Variants in ST6GALNAC3 observed in about 807,000 individuals in gnomAD.
ST6GALNAC3 encodes ST6 N-acetylgalactosaminide alpha-2,6-sialyltransferase 3.
A neutral mutation model predicts 32.7 loss-of-function variants in ST6GALNAC3; 25 were observed. The observed-to-expected ratio is 0.76, with a 90% CI of 0.56 to 1.07. The LOEUF is 1.07. ST6GALNAC3 is among the 50% of genes least tolerant of loss of function. The pLI, the probability that ST6GALNAC3 is intolerant of heterozygous loss-of-function variation, is 0.00. For synonymous variants in ST6GALNAC3, 129 were observed against 133.1 expected (o/e 0.97, Z 0.21); for missense variants, 355 against 382.4 (o/e 0.93, Z 0.60).
chr1:76,181,597 A>G (rs1653181884), intron 1 of ST6GALNAC3, among the ~76,000 whole-genome samples: 1 of 152,158 alleles, frequency 6.6e-6, no homozygotes, highest in Non-Finnish European at 1.5e-5. Context: ...CCTTATTACC[A>G]TGTGTTAAGA....
At chr1:76,369,596 C>T (rs1650656319) in intron 2 of ST6GALNAC3, among the ~76,000 whole-genome samples, 2 of 152,096 alleles carry the variant, frequency 1.3e-5, no homozygotes, top group Admixed American at 1.3e-4. Context: ...TGAGTAAATG[C>T]CCTAAACCCA....
At chr1:76,296,475 A>G (rs1416512306) in intron 1 of ST6GALNAC3, among the ~76,000 whole-genome samples, 1 of 151,830 alleles carries the variant, frequency 6.6e-6, no homozygotes, top group Non-Finnish European at 1.5e-5. Context: ...TCTCCCATCG[A>G]CCCTTCTCTT....
At chr1:76,243,790 T>C (rs1462695634) in intron 1 of ST6GALNAC3, among the ~76,000 whole-genome samples, 2 of 152,228 alleles carry the variant, frequency 1.3e-5, no homozygotes, top group African/African-American at 4.8e-5. Context: ...CTGAGGTCTC[T>C]GTTCTATTCC....
At chr1:76,449,349 A>G (rs1571263577) in intron 3 of ST6GALNAC3, among the ~76,000 whole-genome samples, 2 of 152,298 alleles carry the variant, frequency 1.3e-5, no homozygotes, top group Non-Finnish European at 1.5e-5. Flanking sequence ...GTTTGCTTCC[A>G]TGTTTTGGCA....
chr1:76,132,272 A>T (rs1649659590), intron 1 of ST6GALNAC3, among the ~76,000 whole-genome samples: 2 of 152,106 alleles, frequency 1.3e-5, no homozygotes, highest in Non-Finnish European at 2.9e-5. Context: ...TCTAGCTCAT[A>T]ATTGGAACCA....
chr1:76,476,317 C>G (rs185507054), intron 3 of ST6GALNAC3, among the ~76,000 whole-genome samples: 7 of 152,196 alleles, frequency 4.6e-5, no homozygotes, highest in African/African-American at 1.7e-4. Flanking sequence ...TTCTTACAAC[C>G]CTTTTAAATG....
At chr1:76,270,034 AT>A (rs942265540) in intron 1 of ST6GALNAC3, among the ~76,000 whole-genome samples, 1 of 152,196 alleles carries the variant, frequency 6.6e-6, no homozygotes, top group African/African-American at 2.4e-5. Flanking sequence ...TAAGGGATTC[AT>A]GGGCATTTGC....
At chr1:76,284,961 C>T (rs3862902) in intron 1 of ST6GALNAC3, among the ~76,000 whole-genome samples, 2,157 of 152,052 alleles carry the variant, frequency 0.014, 50 homozygotes, top group African/African-American at 0.049. Context: ...TTTCTGGATA[C>T]GGAGATAGAT....
At chr1:76,099,690 G>A (rs1475125208) in intron 1 of ST6GALNAC3, among the ~76,000 whole-genome samples, 2 of 152,134 alleles carry the variant, frequency 1.3e-5, no homozygotes, top group Non-Finnish European at 1.5e-5. Context: ...CAGATTAGTG[G>A]GAAGAGCTTT....
At chr1:76,222,727 G>T (rs948799083) in intron 1 of ST6GALNAC3, among the ~76,000 whole-genome samples, 2 of 151,970 alleles carry the variant, frequency 1.3e-5, no homozygotes, top group Non-Finnish European at 1.5e-5. Context: ...AGCCCCTCTA[G>T]AAAGTGAGCA....
intron 1 of ST6GALNAC3, among the ~76,000 whole-genome samples, chr1:76,083,582 G>C (rs894007869): frequency 6.6e-6 from 1 of 152,208 alleles, no homozygotes; most frequent in African/African-American, 2.4e-5. Context: ...TTCATGGTCT[G>C]TAGCAGTGCT....
intron 2 of ST6GALNAC3, among the ~76,000 whole-genome samples, chr1:76,357,130 C>CTTTCTTTTTTTTT (rs1165946045): frequency 9.0e-6 from 1 of 111,178 alleles, no homozygotes; most frequent in Non-Finnish European, 1.7e-5. Flanking sequence ...TTTTCTTTTT[C>CTTTCTTTTTTTTT]TTTTTTTTTT....
chr1:76,317,265 A>G (rs978078682), intron 2 of ST6GALNAC3, among the ~76,000 whole-genome samples: 3 of 152,098 alleles, frequency 2.0e-5, no homozygotes, highest in Non-Finnish European at 4.4e-5. Context: ...CTCCCAAATG[A>G]TTGTGCATTT....
chr1:76,089,173 C>T (rs923134248), intron 1 of ST6GALNAC3, among the ~76,000 whole-genome samples: 1 of 152,140 alleles, frequency 6.6e-6, no homozygotes, highest in Non-Finnish European at 1.5e-5. Flanking sequence ...GGACTACAGG[C>T]ACCTGCCACT....
intron 3 of ST6GALNAC3, among the ~76,000 whole-genome samples, chr1:76,465,960 A>C (rs1336573798): frequency 6.6e-6 from 1 of 152,138 alleles, no homozygotes; most frequent in Non-Finnish European, 1.5e-5. Context: ...CCAATTTTTC[A>C]TCGCAAGTTA....
intron 1 of ST6GALNAC3, among the ~76,000 whole-genome samples, chr1:76,299,988 C>T (rs2100844387): frequency 6.6e-6 from 1 of 152,048 alleles, no homozygotes; most frequent in Non-Finnish European, 1.5e-5. Context: ...TTGTGAGTGC[C>T]AGGGCTTAGT....
chr1:76,195,677 A>AAAT (rs1376585253), intron 1 of ST6GALNAC3, among the ~76,000 whole-genome samples: 2 of 152,208 alleles, frequency 1.3e-5, no homozygotes, highest in African/African-American at 4.8e-5. Context: ...AATAAAAGGC[A>AAAT]AATACACTTT....
chr1:76,100,848 T>A (rs1165492831), intron 1 of ST6GALNAC3, among the ~76,000 whole-genome samples: 3 of 152,052 alleles, frequency 2.0e-5, no homozygotes, highest in Non-Finnish European at 4.4e-5. Context: ...TGCATTAAAA[T>A]TTTTTAATGG....
chr1:76,567,935 G>A lies in ST6GALNAC3; in HGVS notation c.624-59517G>A, dbSNP rs949712814. On this transcript the variant is annotated intron_variant, in intron 3 of 4. Coordinates refer to ENST00000328299, the MANE Select transcript of ST6GALNAC3 (RefSeq NM_152996.4). ...CCTGAGCAAATAATTATTTATCTCTGTGCTTCGGTAGTTGCATCTGTATGT... is the reference window on the plus strand; with the variant it reads ...CCTGAGCAAATAATTATTTATCTCTATGCTTCGGTAGTTGCATCTGTATGT... Among the ~76,000 whole-genome samples the A allele has an allele frequency of 3.9e-5, 6 of 152,272 alleles. No individual in the cohort carries two copies. In the South Asian group the frequency reaches 8.3e-4, roughly 21 times the overall value.
Sources: gnomAD v4.1 joint callset for allele counts (sites outside exome capture counted in the v4.1 genomes callset) on GRCh38, gnomAD v4.1.1 for gene constraint, MANE v1.5 for transcripts, NCBI Gene and HGNC (gene_info 2026-07-23, HGNC 2026-07-21) for gene names.